Variants in SNW1 observed in about 807,000 individuals in gnomAD.
The protein encoded by SNW1 is SNW domain-containing protein 1.
A neutral mutation model predicts 75.6 loss-of-function variants in SNW1; 9 were observed. That is an observed-to-expected ratio of 0.12 (90% confidence interval 0.07 to 0.21). The LOEUF (loss-of-function observed/expected upper bound fraction) is 0.21, where lower values mean the gene tolerates loss of function less well. Among genes scored for constraint, SNW1 ranks in the 10% least tolerant of loss-of-function variants. The pLI is 1.00. For synonymous variants in SNW1, 200 were observed against 219.1 expected (o/e 0.91, Z 0.77); for missense variants, 409 against 670.9 (o/e 0.61, Z 4.31).
intron 10 of SNW1, among the ~76,000 whole-genome samples, chr14:77,728,946 G>A (rs78529993): frequency 0.065 from 9,880 of 152,208 alleles, 387 homozygotes; most frequent in African/African-American, 0.096. Flanking sequence ...CGATTCTGTT[G>A]TCTTTTTCTT....
At chr14:77,736,574 A>AAAAACC (rs1035453855) in intron 6 of SNW1, among the ~76,000 whole-genome samples, 1 of 152,076 alleles carries the variant, frequency 6.6e-6, no homozygotes, top group Non-Finnish European at 1.5e-5. Context: ...AAACAAAAAC[A>AAAAACC]AAAACAAAAA....
intron 12 of SNW1, among the ~76,000 whole-genome samples, chr14:77,720,257 C>T (rs1010807271): frequency 6.6e-6 from 1 of 152,144 alleles, no homozygotes; most frequent in Non-Finnish European, 1.5e-5. Flanking sequence ...GCCTCAGCCT[C>T]CCAAGTAGTG....
At chr14:77,723,479 A>G (rs2080560314) in intron 10 of SNW1, among the ~76,000 whole-genome samples, 1 of 152,090 alleles carries the variant, frequency 6.6e-6, no homozygotes, top group Non-Finnish European at 1.5e-5. Flanking sequence ...CCTCCCGAGT[A>G]CCTGGGACCA....
intron 10 of SNW1, among the ~76,000 whole-genome samples, chr14:77,724,355 T>C (rs1392201835): frequency 6.6e-6 from 1 of 152,242 alleles, no homozygotes; most frequent in Non-Finnish European, 1.5e-5. Flanking sequence ...TTTTGCAATA[T>C]ACAATAAATT....
chr14:77,744,316 A>G (rs761924713), intron 3 of SNW1, among the ~76,000 whole-genome samples: 31 of 151,476 alleles, frequency 2.0e-4, no homozygotes, highest in Middle Eastern at 3.4e-3. Flanking sequence ...TTAGCTGGGC[A>G]TGGTGGTGTG....
Position 77,761,094 on chromosome 14 carries a change from G to T in SNW1, c.14+20C>A. ...TACTCCCAGACCCTTCCGTATCGAG[G>T]ACCCCAATCAACAACCCACCTGGTG... On this transcript the variant is annotated intron_variant, in intron 1 of 13. Transcript: ENST00000261531. The T allele has an allele frequency of 2.5e-6, 4 of 1,614,242 alleles. No individual in the cohort carries two copies. The highest frequency in any genetic ancestry group is 3.4e-6 in the Non-Finnish European group (4 of 1,180,042).
At chr14:77,759,336 C>T (rs1566838866) in intron 1 of SNW1, among the ~76,000 whole-genome samples, 1 of 151,884 alleles carries the variant, frequency 6.6e-6, no homozygotes, top group Non-Finnish European at 1.5e-5. Context: ...CATGGCAAAA[C>T]CCCATCTCTA....
intron 8 of SNW1, 63 bp downstream of exon 8, chr14:77,734,884 G>C: frequency 9.1e-7 from 1 of 1,098,504 alleles, no homozygotes; most frequent in Non-Finnish European, 1.4e-6. Context: ...GCAGGCTGTA[G>C]TTGTTTTACT....
intron 5 of SNW1, among the ~76,000 whole-genome samples, chr14:77,738,059 C>T (rs1244114353): frequency 6.7e-6 from 1 of 150,302 alleles, no homozygotes; most frequent in African/African-American, 2.5e-5. Flanking sequence ...AATCCCAGCA[C>T]TTTGGGACCT....
At chr14:77,727,649 T>C (rs190012892) in intron 10 of SNW1, among the ~76,000 whole-genome samples, 112 of 152,346 alleles carry the variant, frequency 7.4e-4, no homozygotes, top group Middle Eastern at 3.4e-3. Context: ...AATGATGCTA[T>C]GGTTCTTATT....
chr14:77,747,182 G>A (rs2080767208), intron 3 of SNW1, among the ~76,000 whole-genome samples: 1 of 152,190 alleles, frequency 6.6e-6, no homozygotes, highest in African/African-American at 2.4e-5. Flanking sequence ...GCCTCCCGAG[G>A]TGCCGGGATT....
At chr14:77,721,615 T>C (rs530218379) in intron 11 of SNW1, among the ~76,000 whole-genome samples, 10 of 152,194 alleles carry the variant, frequency 6.6e-5, no homozygotes, top group East Asian at 5.8e-4. Context: ...TGCTCCTCCT[T>C]CTACATGTAC....
chr14:77,736,060 T>A (rs955382702), intron 6 of SNW1, 54 bp from the exon 7 acceptor site: 13 of 1,266,852 alleles, frequency 1.0e-5, no homozygotes, highest in Non-Finnish European at 1.4e-5. Flanking sequence ...CTTTTAGTCA[T>A]CATATCAAGT....
chr14:77,760,375 G>C (rs1416532915), intron 1 of SNW1, among the ~76,000 whole-genome samples: 3 of 152,168 alleles, frequency 2.0e-5, no homozygotes, highest in Admixed American at 6.6e-5. Context: ...CGCATGGAAA[G>C]TTTTTCCACT....
intron 10 of SNW1, among the ~76,000 whole-genome samples, chr14:77,724,075 A>G (rs2080564857): frequency 6.6e-6 from 1 of 152,242 alleles, no homozygotes; most frequent in Non-Finnish European, 1.5e-5. Flanking sequence ...TTAAGGGTAA[A>G]ATGTATTGCT....
rs898814947 is a variant in SNW1, at chr14:77,733,986, C to G, written c.774+961G>C. 18 of 431,092 alleles carry G rather than the reference C, an allele frequency of 4.2e-5. No homozygotes were observed. In the Admixed American group the frequency reaches 4.3e-4, roughly 10 times the overall value. 26.7% of individuals were successfully genotyped at this position (431,092 alleles called of 1,614,324 possible). A position where few individuals can be genotyped will look rare whatever the true frequency, so the allele number is the denominator to read the frequency against. On this transcript the variant is annotated intron_variant, in intron 8 of 13. Coordinates refer to ENST00000261531, the MANE Select transcript of SNW1 (RefSeq NM_012245.3). Reference sequence around the variant, plus strand: ...GCATTATAGAACCAGCTCAAGATACCATCCAGTTACAAAATACCAATCAAC... The same window carrying G: ...GCATTATAGAACCAGCTCAAGATACGATCCAGTTACAAAATACCAATCAAC...
chr14:77,727,867 T>C (rs1231017753), intron 10 of SNW1, among the ~76,000 whole-genome samples: 5 of 152,162 alleles, frequency 3.3e-5, no homozygotes, highest in Non-Finnish European at 7.4e-5. Context: ...TGTTGTATAT[T>C]TGTCTAGTTT....
rs1207815338 is a variant in SNW1, at chr14:77,741,623, A to C, written c.331-2562T>G. Among the ~76,000 whole-genome samples the C allele has an allele frequency of 1.3e-5, 2 of 152,120 alleles. 1 individual carries two copies. Among genetic ancestry groups the C allele is most frequent in the Non-Finnish European group, 2.9e-5 (2 of 68,006 alleles). ...GGGACCATAAAGCTCACTCTACTGA[A>C]AAGAGTGAGGTTCAGTACATTAAGA... On this transcript the variant is annotated intron_variant, in intron 3 of 13. Coordinates refer to ENST00000261531, the MANE Select transcript of SNW1 (RefSeq NM_012245.3).
chr14:77,759,647 G>T (rs186249170), intron 1 of SNW1, among the ~76,000 whole-genome samples: 10 of 152,164 alleles, frequency 6.6e-5, no homozygotes, highest in African/African-American at 2.2e-4. Flanking sequence ...CACACCTGGG[G>T]AGCACTCAAA....
Sources: gnomAD v4.1 joint callset for allele counts (sites outside exome capture counted in the v4.1 genomes callset) on GRCh38, gnomAD v4.1.1 for gene constraint, MANE v1.5 for transcripts, NCBI Gene and HGNC (gene_info 2026-07-23, HGNC 2026-07-21) for gene names.